Variants in GEMIN5 observed in about 807,000 individuals in gnomAD.
GEMIN5 encodes the protein gem nuclear organelle associated protein 5.
A neutral mutation model predicts 176.9 loss-of-function variants in GEMIN5; 124 were observed. The observed-to-expected ratio is 0.70, with a 90% CI of 0.61 to 0.81. GEMIN5 has a LOEUF of 0.81. Among genes scored for constraint, GEMIN5 ranks in the 40% least tolerant of loss-of-function variants. The pLI is 0.00. For missense variants in GEMIN5, 1,843 were observed against 1,814.6 expected (o/e 1.02, Z -0.28); for synonymous variants, 673 against 665.2 (o/e 1.01, Z -0.18).
Position 154,924,529 on chromosome 5 carries a change from C to T in GEMIN5, c.1319G>A (p.Gly440Asp), listed in dbSNP as rs780664918. Residue 440 changes from glycine to aspartate, a missense_variant, in exon 9 of 28, where the codon GGT becomes GAT. Coordinates refer to ENST00000285873, the MANE Select transcript of GEMIN5 (RefSeq NM_015465.5). ...ATCATCAGTTCCAAAAGCTAAGCAA[C>T]CTTCCTTGGTTGGGTGCCAGCACAG... is the stretch of plus-strand genomic sequence containing the variant. ...TALCWHPTKE[G>D]CLAFGTDDGK... 1.2e-6 allele frequency: 2 copies of T among 1,612,450 alleles called. No individual in the cohort carries two copies. The highest frequency in any genetic ancestry group is 1.7e-5 in the Admixed American group (1 of 59,946).
At chr5:154,888,729 ACTT>A (rs1391302460) in intron 27 of GEMIN5, among the ~76,000 whole-genome samples, 7 of 152,198 alleles carry the variant, frequency 4.6e-5, no homozygotes, top group Non-Finnish European at 1.0e-4. Flanking sequence ...TTTAAATTTT[ACTT>A]CTTACCTATT....
chr5:154,935,006 TTTC>T (rs1438147284), intron 3 of GEMIN5, among the ~76,000 whole-genome samples: 1 of 152,232 alleles, frequency 6.6e-6, no homozygotes, highest in African/African-American at 2.4e-5. Flanking sequence ...CCAGCTGTTC[TTTC>T]TTCTTGTCAT....
chr5:154,894,031 G>A (rs1053270051), intron 24 of GEMIN5, among the ~76,000 whole-genome samples: 8 of 152,090 alleles, frequency 5.3e-5, no homozygotes, highest in Non-Finnish European at 1.0e-4. Context: ...TGCAGCCTCC[G>A]TCTCCCAGAT....
At chr5:154,916,967 T>C (rs1006862755) in intron 13 of GEMIN5, 31 bp downstream of exon 13, 20 of 1,285,632 alleles carry the variant, frequency 1.6e-5, no homozygotes, top group Admixed American at 2.3e-5. Flanking sequence ...ACAAACGATA[T>C]CATCCCCAGT....
At chr5:154,901,697 A>G (rs921587940) in intron 20 of GEMIN5, among the ~76,000 whole-genome samples, 1 of 152,346 alleles carries the variant, frequency 6.6e-6, no homozygotes. Context: ...AAACAGTACA[A>G]AGTTGAAAAG....
chr5:154,901,257 TTA>T, intron 21 of GEMIN5, 80 bp downstream of exon 21: 1 of 1,318,246 alleles, frequency 7.6e-7, no homozygotes, highest in Admixed American at 1.9e-5. Flanking sequence ...TTTCTTCTAT[TTA>T]TGTTACTTTA....
At chr5:154,897,927 T>TC (rs1170315731) in intron 23 of GEMIN5, among the ~76,000 whole-genome samples, 1 of 150,204 alleles carries the variant, frequency 6.7e-6, no homozygotes, top group African/African-American at 2.4e-5. Flanking sequence ...TTTTTTTTTT[T>TC]TTTTGAGACA....
rs1763709973 is a variant in GEMIN5 at position 154,911,910 on chromosome 5, A to G, written c.1996-12T>C. On this transcript the variant is annotated splice_polypyrimidine_tract_variant and intron_variant, in intron 14 of 27. Transcript: ENST00000285873. The stretch of plus-strand genomic sequence containing the variant: ...AGAGCATCCCACACCTAAACCCAAA[A>G]GCACATGGCCGAAAAGACATTTTCT... 9 of 1,608,466 alleles carry G rather than the reference A, an allele frequency of 5.6e-6. No individual in the cohort carries two copies. Among genetic ancestry groups the G allele is most frequent in the South Asian group, 4.5e-5 (4 of 89,878 alleles).
At chr5:154,890,549 G>A (rs775225244) in intron 26 of GEMIN5, among the ~76,000 whole-genome samples, 4 of 147,824 alleles carry the variant, frequency 2.7e-5, no homozygotes, top group East Asian at 2.0e-4. Flanking sequence ...CTACAGCCTC[G>A]AACTCCTGGG....
At chr5:154,933,382 C>CT (rs1764204897) in intron 3 of GEMIN5, among the ~76,000 whole-genome samples, 1 of 152,206 alleles carries the variant, frequency 6.6e-6, no homozygotes, top group Admixed American at 6.5e-5. Context: ...ACACGTAACT[C>CT]TAGTTCCTGG....
At chr5:154,922,431 T>C (rs1418058489) in intron 9 of GEMIN5, among the ~76,000 whole-genome samples, 1 of 152,082 alleles carries the variant, frequency 6.6e-6, no homozygotes, top group African/African-American at 2.4e-5. Flanking sequence ...CCTCCCAAAG[T>C]GCTGGCAGCC....
intron 11 of GEMIN5, among the ~76,000 whole-genome samples, chr5:154,919,573 G>C (rs146566831): frequency 1.3e-5 from 2 of 152,276 alleles, no homozygotes; most frequent in African/African-American, 4.8e-5. Flanking sequence ...CCATGCAGTT[G>C]CATTTGGATA....
Position 154,887,600 on chromosome 5 carries a change from G to A in GEMIN5, c.*610C>T, listed in dbSNP as rs953728043. ...CTTCTAAAGCTTTAGTAAGTGATCTGTTCAAATAAGCAATTACATGAAAGA... is the reference window on the plus strand; with the variant it reads ...CTTCTAAAGCTTTAGTAAGTGATCTATTCAAATAAGCAATTACATGAAAGA... On this transcript the variant is annotated 3_prime_UTR_variant, in exon 28 of 28. Coordinates refer to ENST00000285873, the MANE Select transcript of GEMIN5 (RefSeq NM_015465.5). 6.6e-6 allele frequency: 1 copy of A among 152,204 alleles called. No individual in the cohort carries two copies. The highest frequency in any genetic ancestry group is 2.4e-5 in the African/African-American group (1 of 41,434). The allele number at this position is 152,204 out of a possible 1,614,324, so 9.4% of individuals were successfully genotyped here.
chr5:154,909,133 A>ATTTT (rs70981958), intron 15 of GEMIN5, among the ~76,000 whole-genome samples: 1,295 of 99,326 alleles, frequency 0.013, 4 homozygotes, highest in East Asian at 0.027. Context: ...TAATTTTTGT[A>ATTTT]TTTTTTTTTT....
intron 24 of GEMIN5, among the ~76,000 whole-genome samples, chr5:154,895,014 G>C (rs1226408119): frequency 6.8e-6 from 1 of 147,866 alleles, no homozygotes; most frequent in African/African-American, 2.5e-5. Context: ...GGGAGGCGGA[G>C]GTTGCAGTGA....
chr5:154,909,216 A>C (rs1763641492), intron 15 of GEMIN5, among the ~76,000 whole-genome samples: 2 of 136,350 alleles, frequency 1.5e-5, no homozygotes, highest in African/African-American at 5.6e-5. Context: ...TCAAGTGATC[A>C]GCTCGCCTCC....
rs778521161 is a variant in GEMIN5 at position 154,907,804 on chromosome 5, C to G, written c.2182G>C (p.Glu728Gln). 6 of 1,609,244 alleles carry G rather than the reference C, an allele frequency of 3.7e-6. No homozygotes were observed. In the Admixed American group the frequency reaches 1.0e-4, roughly 27 times the overall value. The part of the protein sequence containing the change: ...SRPPQGKKSI[E>Q]LEKKRLSQPK... The stretch of plus-strand genomic sequence containing the variant: ...TGAGAGAGCCGTTTTTTCTCCAATT[C>G]AATACTTTTTTTGCCTACAAGAATC... The change falls in exon 16 of 28, where the codon GAA becomes CAA. Residue 728 changes from glutamate (E) to glutamine (Q), a missense_variant. By Grantham distance (29) the Glu-to-Gln change is conservative. Coordinates refer to ENST00000285873, the MANE Select transcript of GEMIN5 (RefSeq NM_015465.5).
chr5:154,899,738 A>T (rs901021969), intron 21 of GEMIN5, among the ~76,000 whole-genome samples: 4 of 152,224 alleles, frequency 2.6e-5, no homozygotes, highest in Non-Finnish European at 4.4e-5. Context: ...GAATGCCCTT[A>T]ATGAAGCAGT....
chr5:154,889,401 C>A lies in GEMIN5; in HGVS notation c.4279G>T (p.Glu1427Ter), dbSNP rs182269175. Residue 1427 changes from glutamate to a stop codon, truncating the protein, a stop_gained, in exon 27 of 28, where the codon GAG becomes TAG. Transcript: ENST00000285873. LOFTEE classifies it high-confidence loss of function. ...SQSQCKEEKN[E>*]PLSLPELTKR... ...GTTAACTCAGGCAGAGAAAGTGGCT[C>A]ATTTTTTTCTTCTTTACTAGTGAAA... 6.2e-7 allele frequency: 1 copy of A among 1,606,456 alleles called. No individual in the cohort carries two copies. The highest frequency in any genetic ancestry group is 8.5e-7 in the Non-Finnish European group (1 of 1,173,534).
Sources: gnomAD v4.1 joint callset for allele counts (sites outside exome capture counted in the v4.1 genomes callset) on GRCh38, gnomAD v4.1.1 for gene constraint, MANE v1.5 for transcripts, NCBI Gene and HGNC (gene_info 2026-07-23, HGNC 2026-07-21) for gene names.